Variants in MAPK10 observed in about 807,000 individuals in gnomAD.
The protein encoded by MAPK10 is JNK3 alpha protein kinase.
MAPK10 carries 25 observed loss-of-function variants against 59.3 expected under a neutral mutation model. The observed-to-expected ratio is 0.42, with a 90% CI of 0.31 to 0.59. The LOEUF is 0.59. Among genes scored for constraint, MAPK10 ranks in the 20% least tolerant of loss-of-function variants. MAPK10 has a pLI of 0.15. For synonymous variants in MAPK10, 190 were observed against 200.5 expected, an observed-to-expected ratio of 0.95 and a Z score of 0.44; for missense variants, 351 against 568.9, an observed-to-expected ratio of 0.62 and a Z score of 3.90.
intron 1 of MAPK10, among the ~76,000 whole-genome samples, chr4:86,565,382 G>T (rs1182256833): frequency 1.3e-5 from 2 of 151,960 alleles, no homozygotes; most frequent in African/African-American, 4.8e-5. Flanking sequence ...TAAATTTATA[G>T]AATATTAATA....
intron 11 of MAPK10, among the ~76,000 whole-genome samples, chr4:86,039,189 C>T (rs1033358508): frequency 2.6e-5 from 4 of 152,180 alleles, no homozygotes; most frequent in African/African-American, 7.2e-5. Context: ...ACTATCCGCA[C>T]ACAAAAATAC....
chr4:86,504,936 G>A (rs1369367807), intron 1 of MAPK10, among the ~76,000 whole-genome samples: 1 of 152,076 alleles, frequency 6.6e-6, no homozygotes, highest in Non-Finnish European at 1.5e-5. Flanking sequence ...TCTTTTGGGG[G>A]TATTAAGCAC....
chr4:86,316,252 A>G (rs751775587), intron 2 of MAPK10, among the ~76,000 whole-genome samples: 3 of 152,216 alleles, frequency 2.0e-5, no homozygotes, highest in Non-Finnish European at 4.4e-5. Context: ...TGCATGCACC[A>G]AAAATAATAT....
chr4:86,018,573 A>G (rs1042868452), intron 13 of MAPK10, among the ~76,000 whole-genome samples: 1 of 152,236 alleles, frequency 6.6e-6, no homozygotes, highest in Non-Finnish European at 1.5e-5. Context: ...CTGAGTTGCC[A>G]GTAGCTTTGA....
intron 2 of MAPK10, among the ~76,000 whole-genome samples, chr4:86,215,367 T>C (rs1385077924): frequency 6.6e-6 from 1 of 152,200 alleles, no homozygotes; most frequent in Non-Finnish European, 1.5e-5. Flanking sequence ...TTCTTGGATA[T>C]AACATGAAAG....
intron 2 of MAPK10, among the ~76,000 whole-genome samples, chr4:86,328,266 T>G (rs2096072519): frequency 1.3e-5 from 2 of 152,150 alleles, no homozygotes; most frequent in Admixed American, 1.3e-4. Flanking sequence ...ACATCACTGA[T>G]CATTAGAGAA....
At chr4:86,345,551 T>C (rs540447339) in intron 2 of MAPK10, among the ~76,000 whole-genome samples, 1 of 152,328 alleles carries the variant, frequency 6.6e-6, no homozygotes, top group South Asian at 2.1e-4. Context: ...GTGAAACTAT[T>C]GGTGTCTTAG....
chr4:86,434,942 A>G (rs1400037489), intron 1 of MAPK10, among the ~76,000 whole-genome samples: 2 of 152,220 alleles, frequency 1.3e-5, no homozygotes, highest in African/African-American at 2.4e-5. Context: ...TATATACACA[A>G]TGGAATATTG....
Position 86,527,250 on chromosome 4 carries a change from C to T in MAPK10, c.-263+66660G>A, listed in dbSNP as rs554181055. On this transcript the variant is annotated intron_variant, in intron 1 of 4. Transcript: ENST00000502302. ...TCACTTGAGCCTGGGAGGTCGAGGC[C>T]GCAGGGAGCTGTAATCGTCCCACTG... Among the ~76,000 whole-genome samples, 150 of 141,908 alleles carry T rather than the reference C, an allele frequency of 1.1e-3. 1 individual carries two copies. The highest frequency in any genetic ancestry group is 3.7e-3 in the Middle Eastern group (1 of 270). The allele number at this position is 141,908 out of a possible 152,430, so 93.1% of individuals were successfully genotyped here. A position where few individuals can be genotyped will look rare whatever the true frequency, so the allele number is the denominator to read the frequency against.
chr4:86,429,912 T>G (rs1747807350), intron 1 of MAPK10: 1 of 152,158 alleles, frequency 6.6e-6, no homozygotes, highest in African/African-American at 2.4e-5. Flanking sequence ...AGTATACCAT[T>G]ACCATTAAAA....
At chr4:86,491,689 C>T (rs76842172) in intron 1 of MAPK10, among the ~76,000 whole-genome samples, 7,358 of 152,134 alleles carry the variant, frequency 0.048, 235 homozygotes, top group African/African-American at 0.061. Context: ...TTTTTATTTC[C>T]CAGTAGGAAA....
chr4:86,203,084 T>C (rs2149334935), intron 2 of MAPK10, among the ~76,000 whole-genome samples: 1 of 152,050 alleles, frequency 6.6e-6, no homozygotes, highest in East Asian at 1.9e-4. Context: ...TGGTGCAATA[T>C]AGGACCTGTA....
chr4:86,214,707 A>G (rs1315852765), intron 2 of MAPK10, among the ~76,000 whole-genome samples: 2 of 152,192 alleles, frequency 1.3e-5, no homozygotes, highest in East Asian at 1.9e-4. Context: ...TGACTTAACC[A>G]AGAAGGAAAA....
intron 9 of MAPK10, among the ~76,000 whole-genome samples, chr4:86,087,898 G>A (rs767643889): frequency 3.9e-5 from 6 of 152,030 alleles, no homozygotes; most frequent in Admixed American, 6.6e-5. Flanking sequence ...TAGAAACAAC[G>A]CAAATGGCTA....
chr4:86,372,593 G>GAA (rs1739078138), intron 1 of MAPK10, among the ~76,000 whole-genome samples: 1 of 150,556 alleles, frequency 6.6e-6, no homozygotes, highest in Middle Eastern at 3.2e-3. Flanking sequence ...GAAAAGAAAA[G>GAA]AAAAGGAAAG....
chr4:86,243,414 C>G (rs1488494898), intron 2 of MAPK10, among the ~76,000 whole-genome samples: 1 of 152,174 alleles, frequency 6.6e-6, no homozygotes, highest in Non-Finnish European at 1.5e-5. Flanking sequence ...CTGGTCAAAA[C>G]CGCAAATGGC....
At chr4:86,557,333 T>C (rs1308676285) in intron 1 of MAPK10, among the ~76,000 whole-genome samples, 1 of 152,102 alleles carries the variant, frequency 6.6e-6, no homozygotes, top group African/African-American at 2.4e-5. Flanking sequence ...AGAGTACTTT[T>C]ACAGCCCAAC....
At chr4:86,065,394 T>A (rs1353946708) in intron 10 of MAPK10, 1 of 152,220 alleles carries the variant, frequency 6.6e-6, no homozygotes, top group Non-Finnish European at 1.5e-5. Flanking sequence ...CAGACACTAA[T>A]GAGAAACTCT....
chr4:86,022,101 A>G (rs908478897), intron 13 of MAPK10, among the ~76,000 whole-genome samples: 12 of 152,232 alleles, frequency 7.9e-5, no homozygotes, highest in Non-Finnish European at 1.0e-4. Context: ...CCGCCAAAGT[A>G]GGAGCCCAGG....
Sources: allele counts gnomAD v4.1 joint callset (sites outside exome capture counted in the v4.1 genomes callset), GRCh38; gene constraint gnomAD v4.1.1; transcripts MANE v1.5; gene names NCBI Gene and HGNC (gene_info 2026-07-23, HGNC 2026-07-21).